The following TMPRSS15 variants were observed in gnomAD, a reference collection of about 807,000 sequenced individuals.
The protein encoded by TMPRSS15 is transmembrane serine protease 15, also known as enteropeptidase.
A neutral mutation model predicts 125.3 loss-of-function variants in TMPRSS15; 128 were observed. The observed-to-expected ratio is 1.02, with a 90% CI of 0.89 to 1.18. The LOEUF (loss-of-function observed/expected upper bound fraction) is 1.18, where lower values mean the gene tolerates loss of function less well. Ranked by LOEUF, TMPRSS15 falls within the 50% of genes most tolerant of loss-of-function variation. TMPRSS15 has a pLI of 0.00. For synonymous variants in TMPRSS15, 446 were observed against 423.2 expected (o/e 1.05, Z -0.66); for missense variants, 1,283 against 1,212.7 (o/e 1.06, Z -0.86).
At chr21:18,345,555 C>A (rs1490615078) in intron 10 of TMPRSS15, among the ~76,000 whole-genome samples, 1 of 149,544 alleles carries the variant, frequency 6.7e-6, no homozygotes, top group Admixed American at 6.7e-5. Context: ...TCCTGGCTAA[C>A]ACGGCGAAAC....
chr21:18,278,812 G>A, intron 23 of TMPRSS15, 152 bp downstream of exon 23: 1 of 569,442 alleles, frequency 1.8e-6, no homozygotes, highest in Non-Finnish European at 3.1e-6. Context: ...ATATATATAT[G>A]TACATGCTTG....
At chr21:18,452,484 C>T (rs756749852) in intron 1 of TMPRSS15, among the ~76,000 whole-genome samples, 7 of 151,990 alleles carry the variant, frequency 4.6e-5, no homozygotes, top group Non-Finnish European at 1.0e-4. Context: ...CGCAACATGG[C>T]GAAACCATGT....
intron 1 of TMPRSS15, among the ~76,000 whole-genome samples, chr21:18,449,688 T>G (rs1160922646): frequency 6.6e-6 from 1 of 152,090 alleles, no homozygotes; most frequent in Non-Finnish European, 1.5e-5. Context: ...ATCTTATTAT[T>G]ATCATTTCCT....
rs1035695113 is a variant in TMPRSS15, at chr21:18,448,533, C to T, written c.10+37266G>A. Among the ~76,000 whole-genome samples the T allele has an allele frequency of 1.3e-5, 2 of 151,970 alleles. 1 individual carries two copies. Among genetic ancestry groups the T allele is most frequent in the African/African-American group, 4.8e-5 (2 of 41,384 alleles). ...ATGAAACACACTATAAAGATGCATA[C>T]CATATTTTGAAAAATCAGTAAATTT... On this transcript the variant is annotated intron_variant, in intron 1 of 7. Coordinates refer to the TMPRSS15 transcript ENST00000422787.
chr21:18,350,425 A>G (rs974398885), intron 10 of TMPRSS15, among the ~76,000 whole-genome samples: 4 of 152,094 alleles, frequency 2.6e-5, no homozygotes, highest in Non-Finnish European at 5.9e-5. Flanking sequence ...TTTTCTCACC[A>G]CATCTGCTCC....
In TMPRSS15 at chr21:18,478,374, T is replaced by G. The variant is rs1388641747; in HGVS notation, c.10+7425A>C. On this transcript the variant is annotated intron_variant, in intron 1 of 7. Transcript: ENST00000422787. ...CTAGCCTCTAGGATATCAGATTGTT[T>G]AAGACAACTTTTCATTTTGGAATTA... 2.6e-5 allele frequency among the ~76,000 whole-genome samples: 4 copies of G among 152,150 alleles called. 1 individual carries two copies. The East Asian group carries it at 7.7e-4, about 29-fold the overall frequency.
rs201966028 is a variant in TMPRSS15 at position 18,343,513 on chromosome 21, T to G, written c.1421A>C (p.Lys474Thr). 161 of 1,609,830 alleles carry G rather than the reference T, an allele frequency of 1.0e-4. No individual in the cohort carries two copies. The highest frequency in any genetic ancestry group is 1.3e-4 in the Non-Finnish European group (149 of 1,176,728). ...YGQVTLNETV[K>T]FKVAFNAFKN... ...ATAAAGTATTTTGCAAACCTTAAAT[T>G]TAACTGTTTCATTTAGGGTTACTTG... is the stretch of plus-strand genomic sequence containing the variant. Residue 474 changes from lysine (K) to threonine (T), a missense_variant, in exon 12 of 25, where the codon AAA (lysine) becomes ACA (threonine). Lys to Thr is a moderately conservative substitution (Grantham distance 78). Transcript: ENST00000284885.
chr21:18,455,833 C>G (rs1300287508), intron 1 of TMPRSS15, among the ~76,000 whole-genome samples: 1 of 152,084 alleles, frequency 6.6e-6, no homozygotes, highest in Admixed American at 6.6e-5. Context: ...CTAATTTTAA[C>G]AATTGCGAGG....
chr21:18,449,877 G>A lies in TMPRSS15; in HGVS notation c.10+35922C>T, dbSNP rs62215027. On this transcript the variant is annotated intron_variant, in intron 1 of 7. Transcript: ENST00000422787. ...CCCTCAAACACACACACACACACAC[G>A]CACACACACACACACACACACACCT... Among the ~76,000 whole-genome samples the A allele has an allele frequency of 4.5e-3, 664 of 147,568 alleles. 3 individuals are homozygous for A. Among genetic ancestry groups the A allele is most frequent in the East Asian group, 0.019 (94 of 5,024 alleles).
intron 1 of TMPRSS15, among the ~76,000 whole-genome samples, chr21:18,412,163 T>C (rs2076167564): frequency 6.6e-6 from 1 of 152,202 alleles, no homozygotes; most frequent in South Asian, 2.1e-4. Flanking sequence ...GCAAGATTTA[T>C]CTTCTCACCA....
chr21:18,379,255 A>T (rs2075870496), intron 5 of TMPRSS15, 28 bp downstream of exon 5: 1 of 1,208,592 alleles, frequency 8.3e-7, no homozygotes, highest in Admixed American at 3.2e-5. Context: ...TTCTTTCAAA[A>T]AATAATAATA....
intron 17 of TMPRSS15, among the ~76,000 whole-genome samples, chr21:18,314,131 T>C (rs1264212132): frequency 6.7e-6 from 1 of 148,630 alleles, no homozygotes. Context: ...ACCTTTTTTT[T>C]CCTATTATGA....
rs371662377 is a variant in TMPRSS15, at chr21:18,276,054, T to C, written c.2765-718A>G. Among the ~76,000 whole-genome samples the C allele has an allele frequency of 1.8e-4, 28 of 152,338 alleles. No homozygotes were observed. In the East Asian group the frequency reaches 4.2e-3, roughly 23 times the overall value. ...AGCACTTTCTAATAATTAGCATTTC[T>C]ATTTTGTTCCTCAAGAGAGGCAGAA... On this transcript the variant is annotated intron_variant, in intron 23 of 24. Coordinates refer to ENST00000284885, the MANE Select transcript of TMPRSS15 (RefSeq NM_002772.3).
At chr21:18,404,015 T>A (rs1033342987), upstream of TMPRSS15, among the ~76,000 whole-genome samples, 6 of 152,212 alleles carry the variant, frequency 3.9e-5, no homozygotes, top group African/African-American at 1.4e-4. Context: ...GGCACATGCA[T>A]CTGATATTCA....
At chr21:18,383,590 T>G (rs1188471025) in intron 4 of TMPRSS15, 37 bp downstream of exon 4, 1 of 1,608,402 alleles carries the variant, frequency 6.2e-7, no homozygotes, top group Non-Finnish European at 8.5e-7. Flanking sequence ...TTTCATAGCT[T>G]AATGATTCAA....
intron 16 of TMPRSS15, 22 bp from the exon 17 acceptor site, chr21:18,315,278 T>G (rs761392599): frequency 5.1e-6 from 8 of 1,580,150 alleles, no homozygotes; most frequent in Non-Finnish European, 6.1e-6. Context: ...GAATGTTTAT[T>G]GTATAGGATA....
intron 6 of TMPRSS15, among the ~76,000 whole-genome samples, chr21:18,371,667 A>G (rs2075793278): frequency 6.6e-6 from 1 of 152,178 alleles, no homozygotes; most frequent in Admixed American, 6.5e-5. Flanking sequence ...TCTTATTTCT[A>G]CTATTTATAG....
chr21:18,352,484 G>A (rs1216305466), intron 10 of TMPRSS15, among the ~76,000 whole-genome samples: 1 of 151,950 alleles, frequency 6.6e-6, no homozygotes, highest in Non-Finnish European at 1.5e-5. Context: ...ACTGCTGTTG[G>A]GTCTAAGATC....
In TMPRSS15 at chr21:18,293,456, G is replaced by A. The variant is rs574774668; in HGVS notation, c.2486+814C>T. Among the ~76,000 whole-genome samples the A allele has an allele frequency of 1.1e-4, 16 of 152,266 alleles. No homozygotes were observed. In the South Asian group the frequency reaches 3.3e-3, roughly 32 times the overall value. ...CCTCACTGACATAGGGACAGGAGAT[G>A]AGTCCTAGATCAAGCTCATACGTAT... is the stretch of plus-strand genomic sequence containing the variant. On this transcript the variant is annotated intron_variant, in intron 21 of 24. Transcript: ENST00000284885.
Sources: allele counts gnomAD v4.1 joint callset (sites outside exome capture counted in the v4.1 genomes callset), GRCh38; gene constraint gnomAD v4.1.1; transcripts MANE v1.5; gene names NCBI Gene and HGNC (gene_info 2026-07-23, HGNC 2026-07-21).